Variants in LRIT3 observed in about 807,000 individuals in gnomAD.
LRIT3 encodes leucine-rich repeat, immunoglobulin-like domain and transmembrane domain-containing protein 3.
In LRIT3, 14 loss-of-function variants were observed where a neutral mutation model predicts 22.6. The ratio of observed to expected loss-of-function variants is 0.62; its 90% CI spans 0.41 to 0.97. The LOEUF (loss-of-function observed/expected upper bound fraction) is 0.97. LRIT3 is among the 50% of genes least tolerant of loss of function. LRIT3 has a pLI of 0.00. For synonymous variants in LRIT3, 306 were observed against 304.5 expected, an observed-to-expected ratio of 1.01 and a Z score of -0.05; for missense variants, 783 against 803.0, an observed-to-expected ratio of 0.98 and a Z score of 0.30.
intron 1 of LRIT3, among the ~76,000 whole-genome samples, chr4:109,850,419 C>CT (rs1321627971): frequency 6.0e-5 from 1 of 16,700 alleles, no homozygotes; most frequent in Admixed American, 8.4e-4. Flanking sequence ...TCCTTCCTTC[C>CT]TTCCTTTCTT....
intron 2 of LRIT3, among the ~76,000 whole-genome samples, chr4:109,856,264 T>G (rs1426184818): frequency 6.6e-6 from 1 of 152,320 alleles, no homozygotes; most frequent in East Asian, 1.9e-4. Context: ...AGCAATAGTT[T>G]CAGGGGGTCT....
In LRIT3 at chr4:109,870,819, C is replaced by G. The variant is rs771963573; in HGVS notation, c.*30C>G. ...CTGCAGCTCAGGTGCATGTGAGCTACAAAACTAGCATCTAAGGGTATAATT... is the reference window on the plus strand; with the variant it reads ...CTGCAGCTCAGGTGCATGTGAGCTAGAAAACTAGCATCTAAGGGTATAATT... On this transcript the variant is annotated 3_prime_UTR_variant, in exon 4 of 4. Transcript: ENST00000594814. 6 of 1,541,508 alleles carry G rather than the reference C, an allele frequency of 3.9e-6. No individual in the cohort carries two copies. The African/African-American group carries it at 8.3e-5, about 21-fold the overall frequency.
chr4:109,868,385 A>C (rs892581254), intron 3 of LRIT3, among the ~76,000 whole-genome samples: 8 of 152,192 alleles, frequency 5.3e-5, no homozygotes, highest in African/African-American at 1.9e-4. Context: ...AGCCTGGCCA[A>C]CATGGCAAAA....
At chr4:109,868,130 G>A (rs1034021190) in intron 3 of LRIT3, among the ~76,000 whole-genome samples, 184 bp downstream of exon 3, 1 of 152,130 alleles carries the variant, frequency 6.6e-6, no homozygotes, top group African/African-American at 2.4e-5. Context: ...TAACTACCTA[G>A]ATAAAATTAA....
intron 2 of LRIT3, among the ~76,000 whole-genome samples, chr4:109,855,678 G>A (rs1734383155): frequency 6.6e-6 from 1 of 152,020 alleles, no homozygotes. Context: ...TGGGCATGTA[G>A]TGCTATAAAT....
chr4:109,863,235 C>T (rs1042322877), intron 2 of LRIT3, among the ~76,000 whole-genome samples: 9 of 152,056 alleles, frequency 5.9e-5, no homozygotes, highest in African/African-American at 1.7e-4. Flanking sequence ...CATAACATGG[C>T]GGTTAAGAGC....
intron 2 of LRIT3, among the ~76,000 whole-genome samples, chr4:109,853,654 A>G (rs184614493): frequency 2.6e-5 from 4 of 152,278 alleles, no homozygotes; most frequent in African/African-American, 9.6e-5. Flanking sequence ...TGTTTTAGTC[A>G]TGAAGTCTTT....
At position 109,870,508 on chromosome 4, in the gene LRIT3, G is replaced by A. The variant is rs747651486; in HGVS notation, c.1759G>A (p.Val587Met). Residue 587 changes from valine (V) to methionine (M), a missense_variant, in exon 4 of 4, where the codon GTG becomes ATG. Transcript: ENST00000594814. ...TTCTCAATGGTCTCTCCTTCTCGTG[G>A]TGACCAGTACTGCCTGTGTTGTTAT... ...DDSQWSLLLV[V>M]TSTACVVILP... The A allele has an allele frequency of 5.6e-6, 9 of 1,614,010 alleles. No individual in the cohort carries two copies. The Admixed American group carries it at 8.3e-5, about 15-fold the overall frequency.
chr4:109,862,083 C>T (rs933771974), intron 2 of LRIT3, among the ~76,000 whole-genome samples: 1 of 152,182 alleles, frequency 6.6e-6, no homozygotes, highest in African/African-American at 2.4e-5. Flanking sequence ...AATTGTTAAA[C>T]ATGGTTGTCT....
chr4:109,851,470 GAGTTTCCTCACA>G (rs1276937315), intron 1 of LRIT3, 22 bp from the exon 2 acceptor site: 2 of 1,477,992 alleles, frequency 1.4e-6, no homozygotes, highest in Non-Finnish European at 1.8e-6. Context: ...GTTGGAAAGT[GAGTTTCCTCACA>G]TTGTTCATGT....
intron 2 of LRIT3, chr4:109,865,386 G>A: frequency 7.9e-7 from 1 of 1,268,314 alleles, no homozygotes; most frequent in South Asian, 1.4e-5. Flanking sequence ...TATCTAATGT[G>A]GTATCTGGTG....
At position 109,850,410 on chromosome 4, in the gene LRIT3, C is replaced by CTTTCTTTCTTTCTTTCTTTCTTT. The variant is rs1328726520; in HGVS notation, c.117-1094_117-1093insTTTCTTTCTTTCTTTCTTTCTTT. 2.3e-3 allele frequency among the ~76,000 whole-genome samples: 13 copies of CTTTCTTTCTTTCTTTCTTTCTTT among 5,710 alleles called. 1 individual carries two copies. In the South Asian group the frequency reaches 0.041, roughly 18 times the overall value. 3.7% of individuals were successfully genotyped at this position (5,710 alleles called of 152,430 possible). On this transcript the variant is annotated intron_variant, in intron 1 of 3. Coordinates refer to ENST00000594814, the MANE Select transcript of LRIT3 (RefSeq NM_198506.5). ...TCCTTCCTTCCTTCCTTCCTTCCTT[C>CTTTCTTTCTTTCTTTCTTTCTTT]CTTCCTTCCTTCCTTTCTTTCTTTC...
Position 109,869,940 on chromosome 4 carries a change from T to G in LRIT3, c.1191T>G (p.Phe397Leu). Residue 397 changes from phenylalanine (F) to leucine (L), a missense_variant, in exon 4 of 4, where the codon TTT becomes TTG. By Grantham distance (22) the Phe-to-Leu change is conservative. Coordinates refer to ENST00000594814, the MANE Select transcript of LRIT3 (RefSeq NM_198506.5). ...WSSSFSPTSS[F>L]SASTLSPPST... is the part of the protein sequence containing the mutation. Reference sequence around the variant, plus strand: ...CTTCCTTCTCCCCCACATCTTCTTTTTCTGCTTCTACTTTGTCTCCTCCCT... The same window carrying G: ...CTTCCTTCTCCCCCACATCTTCTTTGTCTGCTTCTACTTTGTCTCCTCCCT... 6.2e-7 allele frequency: 1 copy of G among 1,614,162 alleles called. No homozygotes were observed. The highest frequency in any genetic ancestry group is 1.1e-5 in the South Asian group (1 of 91,084).
chr4:109,852,424 G>T (rs903052194), intron 2 of LRIT3, among the ~76,000 whole-genome samples: 1 of 152,214 alleles, frequency 6.6e-6, no homozygotes, highest in East Asian at 1.9e-4. Flanking sequence ...GGCTTCATTA[G>T]TTAGGAAGAA....
Position 109,870,505 on chromosome 4 carries a change from G to T in LRIT3, c.1756G>T (p.Val586Leu), listed in dbSNP as rs754527514. 1.2e-6 allele frequency: 2 copies of T among 1,614,068 alleles called. No homozygotes were observed. Among genetic ancestry groups the T allele is most frequent in the South Asian group, 2.2e-5 (2 of 91,084 alleles). Residue 586 changes from valine to leucine, a missense_variant, in exon 4 of 4, where the codon GTG becomes TTG. By Grantham distance (32) the Val-to-Leu change is conservative (BLOSUM62 1). Coordinates refer to ENST00000594814, the MANE Select transcript of LRIT3 (RefSeq NM_198506.5). ...TGATTCTCAATGGTCTCTCCTTCTC[G>T]TGGTGACCAGTACTGCCTGTGTTGT... ...GDDSQWSLLLVVTSTACVVIL... is the reference protein window; with the variant it reads ...GDDSQWSLLLLVTSTACVVIL...
rs746795751 is a variant in LRIT3, at chr4:109,869,767, G to A, written c.1018G>A (p.Val340Met). 7.4e-6 allele frequency: 12 copies of A among 1,613,758 alleles called. No individual in the cohort carries two copies. The highest frequency in any genetic ancestry group is 2.2e-5 in the East Asian group (1 of 44,884). The change falls in exon 4 of 4, where the codon GTG becomes ATG. Residue 340 changes from valine to methionine, a missense_variant. Transcript: ENST00000594814. ...AKNLAGMSEA[V>M]VTVTVLGITT... is the part of the protein sequence containing the mutation. ...AAATCTGGCTGGGATGTCAGAAGCT[G>A]TGGTTACTGTGACAGTGCTTGGCAT...
At position 109,871,413 on chromosome 4, in the gene LRIT3, A is replaced by G. The variant is rs1267161665; in HGVS notation, c.*624A>G. On this transcript the variant is annotated 3_prime_UTR_variant, in exon 4 of 4. Transcript: ENST00000594814. ...TATTAGCAAAAGTAAGTATACAAAG[A>G]GGATTATGACAAATAGACCATTTCT... is the stretch of plus-strand genomic sequence containing the variant. The G allele has an allele frequency of 2.0e-5, 3 of 152,258 alleles. No individual in the cohort carries two copies. The highest frequency in any genetic ancestry group is 2.9e-5 in the Non-Finnish European group (2 of 68,046). 9.4% of individuals were successfully genotyped at this position (152,258 alleles called of 1,614,324 possible).
At chr4:109,855,019 G>A (rs1734366731) in intron 2 of LRIT3, among the ~76,000 whole-genome samples, 1 of 152,140 alleles carries the variant, frequency 6.6e-6, no homozygotes, top group Non-Finnish European at 1.5e-5. Context: ...CAGGGATATT[G>A]GCCTGAAATT....
chr4:109,860,507 T>C (rs1579377551), intron 2 of LRIT3, among the ~76,000 whole-genome samples: 1 of 152,198 alleles, frequency 6.6e-6, no homozygotes, highest in Admixed American at 6.5e-5. Flanking sequence ...AAATTTACAG[T>C]TAATCTCCAA....
Sources: allele counts gnomAD v4.1 joint callset (sites outside exome capture counted in the v4.1 genomes callset), GRCh38; gene constraint gnomAD v4.1.1; transcripts MANE v1.5; gene names NCBI Gene and HGNC (gene_info 2026-07-23, HGNC 2026-07-21).